The following STXBP5L variants were observed in gnomAD, a reference collection of about 807,000 sequenced individuals.
STXBP5L encodes syntaxin-binding protein 5-like.
A neutral mutation model predicts 144.5 loss-of-function variants in STXBP5L; 65 were observed. That is an observed-to-expected ratio of 0.45 (90% CI 0.37 to 0.55). STXBP5L has a LOEUF of 0.55. STXBP5L is among the 20% of genes least tolerant of loss of function. The probability of loss-of-function intolerance (pLI) is 0.00; values close to 1 mark genes in which losing one functional copy is unlikely to be tolerated. For synonymous variants in STXBP5L, 505 were observed against 469.6 expected, an observed-to-expected ratio of 1.08 and a Z score of -0.97; for missense variants, 1,298 against 1,405.5, an observed-to-expected ratio of 0.92 and a Z score of 1.22.
chr3:120,960,460 G>A (rs142306664), intron 3 of STXBP5L, among the ~76,000 whole-genome samples: 6,117 of 152,254 alleles, frequency 0.04, 170 homozygotes, highest in Middle Eastern at 0.082. Flanking sequence ...ACATGCACAC[G>A]TATGTTTATT....
intron 20 of STXBP5L, among the ~76,000 whole-genome samples, chr3:121,374,079 C>A (rs776290198): frequency 6.6e-6 from 1 of 152,166 alleles, no homozygotes; most frequent in Non-Finnish European, 1.5e-5. Context: ...TGCTCACATA[C>A]CCCACCAAGA....
intron 15 of STXBP5L, among the ~76,000 whole-genome samples, chr3:121,254,656 C>T (rs2050147329): frequency 6.6e-6 from 1 of 152,144 alleles, no homozygotes; most frequent in Admixed American, 6.5e-5. Flanking sequence ...AAGAAAGCAA[C>T]TATATATTCC....
At chr3:121,337,439 T>TAA (rs59662899) in intron 20 of STXBP5L, among the ~76,000 whole-genome samples, 5,649 of 70,940 alleles carry the variant, frequency 0.08, 184 homozygotes, top group Middle Eastern at 0.16. Flanking sequence ...GCAACAACAG[T>TAA]AAAAAAAAAA....
At chr3:120,999,733 G>A (rs1041681227) in intron 3 of STXBP5L, among the ~76,000 whole-genome samples, 59 of 152,086 alleles carry the variant, frequency 3.9e-4, no homozygotes, top group African/African-American at 1.4e-3. Flanking sequence ...TTCAGGATTA[G>A]CACTTCCTTA....
In STXBP5L at chr3:120,909,575, TA is replaced by T. The variant is rs1245684896; in HGVS notation, c.1del. 8 of 1,612,350 alleles carry T rather than the reference TA, an allele frequency of 5.0e-6. No individual in the cohort carries two copies. Among genetic ancestry groups the T allele is most frequent in the African/African-American group, 1.3e-5 (1 of 74,784 alleles). On this transcript the variant is annotated 5_prime_UTR_variant, in exon 2 of 27. Coordinates refer to ENST00000471454, the MANE Select transcript of STXBP5L (RefSeq NM_001308330.2). ...TTCCTTTGTATTTCTCAACAGTGTTTAAAATGAAGAAGTTTAATTTCCGAAA... is the reference window on the plus strand; with the variant it reads ...TTCCTTTGTATTTCTCAACAGTGTTTAAATGAAGAAGTTTAATTTCCGAAA...
intron 20 of STXBP5L, among the ~76,000 whole-genome samples, chr3:121,321,956 C>A (rs1241373556): frequency 6.6e-6 from 1 of 152,176 alleles, no homozygotes; most frequent in African/African-American, 2.4e-5. Flanking sequence ...ATCACCCCGG[C>A]AGTGAGCATA....
intron 9 of STXBP5L, among the ~76,000 whole-genome samples, chr3:121,173,194 G>A (rs2046796390): frequency 6.6e-6 from 1 of 152,052 alleles, no homozygotes; most frequent in Non-Finnish European, 1.5e-5. Flanking sequence ...TGGGGGGCTA[G>A]CAGAGGGATA....
intron 3 of STXBP5L, among the ~76,000 whole-genome samples, chr3:120,971,926 T>A (rs1158426239): frequency 2.6e-5 from 4 of 151,966 alleles, no homozygotes; most frequent in African/African-American, 9.7e-5. Context: ...TTCATATCAT[T>A]CATTGATGAG....
chr3:121,256,530 C>G (rs996981428), intron 16 of STXBP5L, among the ~76,000 whole-genome samples: 2 of 151,530 alleles, frequency 1.3e-5, no homozygotes, highest in Non-Finnish European at 3.0e-5. Flanking sequence ...TGTTTTTTAT[C>G]AAGTAATTCT....
chr3:121,118,531 G>A (rs2044326205), intron 6 of STXBP5L, among the ~76,000 whole-genome samples: 1 of 151,630 alleles, frequency 6.6e-6, no homozygotes, highest in South Asian at 2.1e-4. Flanking sequence ...TTTATAACAT[G>A]AAAGGTCTTG....
chr3:120,986,978 T>C (rs560532875), intron 3 of STXBP5L, among the ~76,000 whole-genome samples: 15 of 151,996 alleles, frequency 9.9e-5, no homozygotes, highest in African/African-American at 2.9e-4. Context: ...ATGTGTATAG[T>C]GGGAATCCCA....
chr3:121,090,610 C>A (rs2042730600), intron 5 of STXBP5L, among the ~76,000 whole-genome samples: 1 of 151,968 alleles, frequency 6.6e-6, no homozygotes, highest in Admixed American at 6.6e-5. Context: ...ATTTTAAAGT[C>A]TCTAAAGGAG....
chr3:121,311,906 C>G (rs1186303011), intron 19 of STXBP5L, among the ~76,000 whole-genome samples: 3 of 152,174 alleles, frequency 2.0e-5, no homozygotes, highest in East Asian at 3.8e-4. Flanking sequence ...GCCAAAAGAA[C>G]AAAGCTGGAG....
At chr3:121,243,949 T>C (rs1172657664) in intron 14 of STXBP5L, among the ~76,000 whole-genome samples, 1 of 152,182 alleles carries the variant, frequency 6.6e-6, no homozygotes, top group Non-Finnish European at 1.5e-5. Context: ...GGAACAGCTT[T>C]CATATTTTAT....
intron 9 of STXBP5L, among the ~76,000 whole-genome samples, chr3:121,189,796 C>A (rs757564878): frequency 2.0e-5 from 3 of 151,912 alleles, no homozygotes; most frequent in Non-Finnish European, 2.9e-5. Context: ...ACATTTGACT[C>A]ATTTTTCCAT....
intron 20 of STXBP5L, among the ~76,000 whole-genome samples, chr3:121,343,093 G>A (rs560768514): frequency 2.6e-5 from 4 of 152,278 alleles, no homozygotes; most frequent in Admixed American, 2.6e-4. Context: ...TTCTCTGATA[G>A]CCAGTGATGG....
intron 2 of STXBP5L, among the ~76,000 whole-genome samples, chr3:120,911,294 C>T (rs1354816041): frequency 6.6e-6 from 1 of 152,032 alleles, no homozygotes; most frequent in Non-Finnish European, 1.5e-5. Context: ...GTTATCTTCC[C>T]ATTTATTCAG....
intron 13 of STXBP5L, 38 bp downstream of exon 13, chr3:121,239,156 A>AT (rs2049582894): frequency 2.5e-6 from 3 of 1,198,168 alleles, no homozygotes; most frequent in Non-Finnish European, 3.5e-6. Flanking sequence ...TTTTGTATTC[A>AT]TATCACATGA....
intron 3 of STXBP5L, among the ~76,000 whole-genome samples, chr3:120,962,943 T>C (rs557993060): frequency 2.0e-5 from 3 of 152,318 alleles, no homozygotes; most frequent in East Asian, 3.9e-4. Flanking sequence ...TGTCCTCTTT[T>C]ATTTCATTGA....
Sources: allele counts gnomAD v4.1 joint callset (sites outside exome capture counted in the v4.1 genomes callset), GRCh38; gene constraint gnomAD v4.1.1; transcripts MANE v1.5; gene names NCBI Gene and HGNC (gene_info 2026-07-23, HGNC 2026-07-21).